Variants in RPL18A observed in about 807,000 individuals in gnomAD.
RPL18A encodes large ribosomal subunit protein eL20.
For missense variants in RPL18A, 163 were observed against 254.1 expected (o/e 0.64, Z 2.44); for synonymous variants, 122 against 96.9 (o/e 1.26, Z -1.52).
At chr19:17,860,016 A>C in intron 1 of RPL18A, 42 bp downstream of exon 1, 3 of 1,482,510 alleles carry the variant, frequency 2.0e-6, no homozygotes, top group Non-Finnish European at 1.8e-6. Context: ...GGGATGGGGC[A>C]CGGGCCCCAT....
intron 3 of RPL18A, 115 bp downstream of exon 3, chr19:17,862,338 C>T (rs2094278941): frequency 7.7e-7 from 1 of 1,298,572 alleles, no homozygotes; most frequent in Admixed American, 2.1e-5. Context: ...GGTGGCGGGG[C>T]ACAGGAAGAC....
intron 2 of RPL18A, 82 bp downstream of exon 2, chr19:17,861,554 C>T (rs2094277354): frequency 2.6e-6 from 3 of 1,145,790 alleles, no homozygotes; most frequent in Admixed American, 2.5e-5. Flanking sequence ...ATTAATCAGA[C>T]ATCGAACGGG....
chr19:17,861,209 C>T (rs2147715508), intron 1 of RPL18A, 84 bp from the exon 2 acceptor site: 1 of 1,305,262 alleles, frequency 7.7e-7, no homozygotes, highest in Non-Finnish European at 1.1e-6. Context: ...AATCTGTGGT[C>T]ACTAGATGTA....
intron 3 of RPL18A, chr19:17,862,482 T>C (rs1169248083): frequency 1.5e-6 from 1 of 679,826 alleles, no homozygotes; most frequent in African/African-American, 1.8e-5. Flanking sequence ...CACCACTGTT[T>C]TCTGGGACCC....
intron 1 of RPL18A, chr19:17,860,717 C>T (rs921369495): frequency 1.3e-5 from 2 of 154,260 alleles, no homozygotes; most frequent in African/African-American, 2.4e-5. Context: ...CAAAGATTCT[C>T]ACCTCTGCAT....
At chr19:17,861,528 A>G in intron 2 of RPL18A, 56 bp downstream of exon 2, 1 of 1,338,582 alleles carries the variant, frequency 7.5e-7, no homozygotes, top group Non-Finnish European at 1.0e-6. Flanking sequence ...CTCTTGGGAC[A>G]TCGTGCATCT....
Position 17,859,952 on chromosome 19 carries a change from A to G in RPL18A, c.-5A>G, listed in dbSNP as rs201563703. On this transcript the variant is annotated 5_prime_UTR_variant, in exon 1 of 5. Transcript: ENST00000222247. ...GCGGGTGGCGGCGAACGCGGAGAGC[A>G]CGCCATGAAGGCCTCGGGCACGGTA... is the stretch of plus-strand genomic sequence containing the variant. 4.2e-5 allele frequency: 65 copies of G among 1,542,326 alleles called. No individual in the cohort carries two copies. In the East Asian group the frequency reaches 1.0e-3, roughly 25 times the overall value.
intron 1 of RPL18A, 177 bp from the exon 2 acceptor site, chr19:17,861,116 A>T: frequency 1.7e-6 from 1 of 603,372 alleles, no homozygotes; most frequent in Non-Finnish European, 3.0e-6. Flanking sequence ...CATTTTGTGT[A>T]TAAAGTTGTG....
intron 1 of RPL18A, 43 bp downstream of exon 1, chr19:17,860,017 C>G (rs2094274200): frequency 6.7e-7 from 1 of 1,483,996 alleles, no homozygotes; most frequent in Non-Finnish European, 8.9e-7. Context: ...GGATGGGGCA[C>G]GGGCCCCATC....
chr19:17,861,578 C>T (rs979778253), intron 2 of RPL18A, 106 bp downstream of exon 2: 29 of 853,640 alleles, frequency 3.4e-5, no homozygotes, highest in South Asian at 1.0e-4. Flanking sequence ...GGTAGCTCAA[C>T]GCCTGTAATC....
intron 2 of RPL18A, 99 bp from the exon 3 acceptor site, chr19:17,861,995 A>T: frequency 1.4e-6 from 2 of 1,404,530 alleles, no homozygotes; most frequent in Non-Finnish European, 1.9e-6. Flanking sequence ...GTAGGCCTGG[A>T]GCCTGGGGTG....
intron 1 of RPL18A, chr19:17,860,395 G>A (rs2094275067): frequency 4.7e-6 from 1 of 213,092 alleles, no homozygotes; most frequent in Non-Finnish European, 9.4e-6. Context: ...CCGAAACGGG[G>A]AGCGTGAGGC....
intron 2 of RPL18A, 48 bp from the exon 3 acceptor site, chr19:17,862,046 C>T (rs2094278373): frequency 3.1e-6 from 5 of 1,601,742 alleles, no homozygotes; most frequent in African/African-American, 1.3e-5. Flanking sequence ...GGGGCTAGGG[C>T]ACATCGGCTT....
chr19:17,860,158 A>ATGCG (rs2094274535), intron 1 of RPL18A, 184 bp downstream of exon 1: 1 of 552,748 alleles, frequency 1.8e-6, no homozygotes, highest in Non-Finnish European at 3.1e-6. Context: ...GGAGAGAGCG[A>ATGCG]TGCGTGACCT....
At chr19:17,860,349 G>C in intron 1 of RPL18A, 1 of 286,518 alleles carries the variant, frequency 3.5e-6, no homozygotes, top group Non-Finnish European at 6.5e-6. Context: ...CTGCCGGAAT[G>C]GCTGTGAGAA....
chr19:17,862,248 C>CT, intron 3 of RPL18A, 25 bp downstream of exon 3: 1 of 1,610,900 alleles, frequency 6.2e-7, no homozygotes, highest in Non-Finnish European at 8.5e-7. Flanking sequence ...CCGCCTCCAG[C>CT]TTTTTAGACC....
At chr19:17,861,672 A>G (rs773464193) in intron 2 of RPL18A, 200 bp downstream of exon 2, 1 of 589,996 alleles carries the variant, frequency 1.7e-6, no homozygotes, top group South Asian at 2.2e-5. Flanking sequence ...CATTTCCCTG[A>G]TTAGAAAGCC....
chr19:17,860,750 G>C (rs928764991), intron 1 of RPL18A: 1 of 156,108 alleles, frequency 6.4e-6, no homozygotes, highest in Non-Finnish European at 1.4e-5. Context: ...AGTCTTCCCT[G>C]GGCCAAACGT....
At position 17,861,376 on chromosome 19, in the gene RPL18A, G is replaced by T. The variant is rs1219564100; in HGVS notation, c.102G>T (p.Ala34=). The T allele has an allele frequency of 1.2e-6, 2 of 1,612,428 alleles. No homozygotes were observed. Among genetic ancestry groups the T allele is most frequent in the Admixed American group, 3.3e-5 (2 of 59,916 alleles). ...TPPLYRMRIF[A]PNHVVAKSRF... is the part of the protein sequence containing the mutation. ...CCCTCTACCGCATGCGAATCTTTGC[G>T]CCTAATCATGTCGTCGCCAAGTCCC... is the stretch of plus-strand genomic sequence containing the variant. The change falls in exon 2 of 5, where the codon GCG becomes GCT. Residue 34 remains alanine, a synonymous_variant. Transcript: ENST00000222247.
Sources: gnomAD v4.1 joint callset for allele counts on GRCh38, gnomAD v4.1.1 for gene constraint, MANE v1.5 for transcripts, NCBI Gene and HGNC (gene_info 2026-07-23, HGNC 2026-07-21) for gene names.